CTNNBIP1: variants seen among roughly 807,000 people sequenced by gnomAD.
CTNNBIP1 encodes the protein catenin beta interacting protein 1, also known as beta-catenin-interacting protein 1.
CTNNBIP1 carries 7 observed loss-of-function variants against 11.8 expected under a neutral mutation model. The observed-to-expected ratio is 0.60, with a 90% CI of 0.34 to 1.12. The LOEUF is 1.12. CTNNBIP1 is among the 50% of genes most tolerant of loss of function. The pLI, the probability that CTNNBIP1 is intolerant of heterozygous loss-of-function variation, is 0.03. For synonymous variants in CTNNBIP1, 58 were observed against 43.9 expected, an observed-to-expected ratio of 1.32 and a Z score of -1.26; for missense variants, 101 against 113.4, an observed-to-expected ratio of 0.89 and a Z score of 0.50.
chr1:9,902,933 T>G (rs976252753), intron 1 of CTNNBIP1, among the ~76,000 whole-genome samples: 1 of 152,060 alleles, frequency 6.6e-6, no homozygotes, highest in Non-Finnish European at 1.5e-5. Context: ...GCCAGGCTAA[T>G]TTTTTGTATT....
chr1:9,906,535 G>C (rs774392419), intron 1 of CTNNBIP1, among the ~76,000 whole-genome samples: 4 of 152,008 alleles, frequency 2.6e-5, no homozygotes, highest in Non-Finnish European at 5.9e-5. Flanking sequence ...CTCCAGCCTG[G>C]GCAACAAGAG....
At chr1:9,852,223 C>A (rs1438776346) in intron 5 of CTNNBIP1, among the ~76,000 whole-genome samples, 1 of 152,166 alleles carries the variant, frequency 6.6e-6, no homozygotes, top group Non-Finnish European at 1.5e-5. Flanking sequence ...AACTGCTCTA[C>A]CAAGAGAGGG....
At chr1:9,878,997 A>G (rs1639028584) in intron 2 of CTNNBIP1, among the ~76,000 whole-genome samples, 1 of 152,150 alleles carries the variant, frequency 6.6e-6, no homozygotes, top group African/African-American at 2.4e-5. Flanking sequence ...GGCGTTCGAG[A>G]CCAGCCTGGC....
At chr1:9,873,188 A>G (rs1416167511) in intron 3 of CTNNBIP1, among the ~76,000 whole-genome samples, 1 of 152,016 alleles carries the variant, frequency 6.6e-6, no homozygotes, top group Non-Finnish European at 1.5e-5. Context: ...CTCATCCTAA[A>G]AGTGCACACA....
chr1:9,902,308 C>T (rs559783665), intron 1 of CTNNBIP1, among the ~76,000 whole-genome samples: 10 of 152,190 alleles, frequency 6.6e-5, no homozygotes, highest in East Asian at 1.9e-4. Context: ...AGAAGTGCAC[C>T]GTGTTAATGG....
rs1319399303 is a variant in CTNNBIP1, at chr1:9,848,759, C to T, written c.*1959G>A. The T allele has an allele frequency of 3.9e-5, 6 of 152,218 alleles. No homozygotes were observed. Among genetic ancestry groups the T allele is most frequent in the Admixed American group, 3.3e-4 (5 of 15,280 alleles). 9.4% of individuals were successfully genotyped at this position (152,218 alleles called of 1,614,324 possible). ...CAGGGTAGGGTTGTAGCTGTGTTCC[C>T]CACAGCTGACTGTCAGCTAACCAGG... On this transcript the variant is annotated 3_prime_UTR_variant, in exon 6 of 6. Transcript: ENST00000377263. The surrounding 1 kb of genome is among the most constrained non-coding windows in gnomAD (Gnocchi z 4.3).
chr1:9,863,362 G>A (rs920075610), intron 5 of CTNNBIP1, among the ~76,000 whole-genome samples: 3 of 152,206 alleles, frequency 2.0e-5, no homozygotes, highest in African/African-American at 7.2e-5. Context: ...CCATCTCATA[G>A]ACTAGAATTC....
At chr1:9,852,664 T>C (rs1638416912) in intron 5 of CTNNBIP1, among the ~76,000 whole-genome samples, 1 of 152,170 alleles carries the variant, frequency 6.6e-6, no homozygotes, top group Non-Finnish European at 1.5e-5. Flanking sequence ...TTTTCCTGAG[T>C]GCTGCTTGCC....
intron 1 of CTNNBIP1, among the ~76,000 whole-genome samples, chr1:9,894,804 G>C (rs1009872697): frequency 5.3e-5 from 8 of 151,634 alleles, no homozygotes; most frequent in Non-Finnish European, 1.2e-4. Context: ...GCAGTGGTGT[G>C]ATCTCTGCTC....
chr1:9,900,266 G>A (rs1211455989), intron 1 of CTNNBIP1, among the ~76,000 whole-genome samples: 2 of 146,104 alleles, frequency 1.4e-5, no homozygotes, highest in East Asian at 4.1e-4. Flanking sequence ...ATGGTGGCAT[G>A]TGCTTGTGGT....
intron 1 of CTNNBIP1, among the ~76,000 whole-genome samples, 158 bp downstream of exon 1, chr1:9,909,937 G>T (rs1177636556): frequency 1.3e-5 from 2 of 151,970 alleles, no homozygotes; most frequent in Admixed American, 6.5e-5. Context: ...GCCCAGACCA[G>T]GGCGCCGCGC....
At chr1:9,858,380 A>G (rs1347118641) in intron 5 of CTNNBIP1, among the ~76,000 whole-genome samples, 1 of 152,136 alleles carries the variant, frequency 6.6e-6, no homozygotes, top group Non-Finnish European at 1.5e-5. Flanking sequence ...GGCCTGCAGG[A>G]CCCACACACG....
chr1:9,896,691 G>A (rs12755063), intron 1 of CTNNBIP1, among the ~76,000 whole-genome samples: 5,382 of 152,158 alleles, frequency 0.035, 127 homozygotes, highest in Non-Finnish European at 0.051. Flanking sequence ...AAAATTGGCC[G>A]GGTGCGGCGG....
In CTNNBIP1 at chr1:9,871,365, C is replaced by G; in HGVS notation, c.97-88G>C. 4 of 990,830 alleles carry G rather than the reference C, an allele frequency of 4.0e-6. No homozygotes were observed. The highest frequency in any genetic ancestry group is 6.1e-6 in the Non-Finnish European group (4 of 651,176). 61.4% of individuals were successfully genotyped at this position (990,830 alleles called of 1,614,324 possible). A position where few individuals can be genotyped will look rare whatever the true frequency, so the allele number is the denominator to read the frequency against. ...CCCCTAGAGGCACCGCCTAGGCCTG[C>G]TTGGTCCCTGCTTGGTCCCTGCTCG... On this transcript the variant is annotated intron_variant, in intron 4 of 5. Coordinates refer to ENST00000377263, the MANE Select transcript of CTNNBIP1 (RefSeq NM_020248.3). This position sits in a 1 kb window ranked among gnomAD's most constrained non-coding sequence, Gnocchi z 5.2.
At chr1:9,860,875 AGAAATGTGACCT>A (rs1638612100) in intron 5 of CTNNBIP1, among the ~76,000 whole-genome samples, 1 of 152,222 alleles carries the variant, frequency 6.6e-6, no homozygotes, top group Non-Finnish European at 1.5e-5. Context: ...GTGAAAATTC[AGAAATGTGACCT>A]GAAATCTTCA....
chr1:9,867,022 G>C lies in CTNNBIP1; in HGVS notation c.187+4165C>G, dbSNP rs899845015. On this transcript the variant is annotated intron_variant, in intron 5 of 5. Coordinates refer to ENST00000377263, the MANE Select transcript of CTNNBIP1 (RefSeq NM_020248.3). The surrounding 1 kb of genome is among the most constrained non-coding windows in gnomAD (Gnocchi z 4.6). ...GAGCACAGGTGGAAAATCCATGTCA[G>C]CTGGGCATGGGTGGCTGTGGTGATG... Among the ~76,000 whole-genome samples, 4 of 152,210 alleles carry C rather than the reference G, an allele frequency of 2.6e-5. No individual in the cohort carries two copies. Among genetic ancestry groups the C allele is most frequent in the African/African-American group, 7.2e-5 (3 of 41,444 alleles).
At position 9,850,637 on chromosome 1, in the gene CTNNBIP1, C is replaced by A; in HGVS notation, c.*81G>T. The A allele has an allele frequency of 3.8e-6, 5 of 1,330,168 alleles. No homozygotes were observed. The highest frequency in any genetic ancestry group is 4.3e-6 in the Non-Finnish European group (4 of 922,652). 82.4% of individuals were successfully genotyped at this position (1,330,168 alleles called of 1,614,324 possible). On this transcript the variant is annotated 3_prime_UTR_variant, in exon 6 of 6. Transcript: ENST00000377263. ...GAAGGGGGAGGTGGGGCAAGGGGGGCTGCTGCCACTCAGCCGGCCCAGGAG... is the reference window on the plus strand; with the variant it reads ...GAAGGGGGAGGTGGGGCAAGGGGGGATGCTGCCACTCAGCCGGCCCAGGAG...
Position 9,850,579 on chromosome 1 carries a change from A to T in CTNNBIP1, c.*139T>A. On this transcript the variant is annotated 3_prime_UTR_variant, in exon 6 of 6. Coordinates refer to ENST00000377263, the MANE Select transcript of CTNNBIP1 (RefSeq NM_020248.3). Reference sequence around the variant, plus strand: ...ATGCCAGCCCCACTGAGTAGCTGTGAGGTGGGGTGGGGCAGGGCAGGGTTG... The same window carrying T: ...ATGCCAGCCCCACTGAGTAGCTGTGTGGTGGGGTGGGGCAGGGCAGGGTTG... 1.5e-6 allele frequency: 1 copy of T among 651,090 alleles called. No homozygotes were observed. The highest frequency in any genetic ancestry group is 2.7e-6 in the Non-Finnish European group (1 of 368,676). The allele number at this position is 651,090 out of a possible 1,614,324, so 40.3% of individuals were successfully genotyped here.
chr1:9,862,068 C>T (rs1179400470), intron 5 of CTNNBIP1, among the ~76,000 whole-genome samples: 1 of 150,728 alleles, frequency 6.6e-6, no homozygotes, highest in Non-Finnish European at 1.5e-5. Flanking sequence ...GCGTGACACA[C>T]ACATGACCTT....
Sources: gnomAD v4.1 joint callset for allele counts (sites outside exome capture counted in the v4.1 genomes callset) on GRCh38, gnomAD v4.1.1 for gene constraint, Gnocchi (gnomAD v3.1) non-coding constraint, MANE v1.5 for transcripts, NCBI Gene and HGNC (gene_info 2026-07-23, HGNC 2026-07-21) for gene names.